PHAX: variants seen among roughly 807,000 people sequenced by gnomAD.
The protein encoded by PHAX is phosphorylated adaptor for RNA export.
Under a neutral mutation model 41.6 loss-of-function variants are expected in PHAX, and 31 were observed. That is an observed-to-expected ratio of 0.75 (90% CI 0.56 to 1.01). PHAX has a LOEUF of 1.01. Ranked by LOEUF, PHAX falls within the 50% of genes least tolerant of loss-of-function variation. PHAX has a pLI of 0.00. For synonymous variants in PHAX, 175 were observed against 164.9 expected (o/e 1.06, Z -0.47); for missense variants, 453 against 472.9 (o/e 0.96, Z 0.39).
chr5:126,607,304 T>A (rs1277233671), intron 2 of PHAX, among the ~76,000 whole-genome samples: 1 of 151,988 alleles, frequency 6.6e-6, no homozygotes, highest in Non-Finnish European at 1.5e-5. Context: ...TAAACCCTGA[T>A]CCTTGTGTTC....
intron 3 of PHAX, among the ~76,000 whole-genome samples, chr5:126,616,817 G>T (rs532820965): frequency 1.3e-5 from 2 of 151,230 alleles, no homozygotes; most frequent in East Asian, 3.9e-4. Context: ...GAGGGCAGAG[G>T]CTGCAGTGAG....
intron 3 of PHAX, among the ~76,000 whole-genome samples, chr5:126,613,206 G>A (rs960643440): frequency 4.6e-5 from 7 of 152,022 alleles, no homozygotes; most frequent in Admixed American, 2.0e-4. Context: ...AAAATTAGCC[G>A]GGTGTGGTGG....
chr5:126,606,553 C>T (rs1751989795), intron 2 of PHAX, among the ~76,000 whole-genome samples: 1 of 152,186 alleles, frequency 6.6e-6, no homozygotes, highest in Non-Finnish European at 1.5e-5. Flanking sequence ...TGTATATATG[C>T]ATATATTCAT....
At chr5:126,601,932 G>C (rs865895397) in intron 1 of PHAX, among the ~76,000 whole-genome samples, 39 of 152,200 alleles carry the variant, frequency 2.6e-4, no homozygotes, top group African/African-American at 8.4e-4. Context: ...CTCCAAAAGT[G>C]CTGAGATTAC....
intron 2 of PHAX, among the ~76,000 whole-genome samples, chr5:126,607,107 A>C (rs1469831603): frequency 1.3e-5 from 2 of 152,216 alleles, no homozygotes; most frequent in African/African-American, 4.8e-5. Flanking sequence ...AAATTTGAAA[A>C]CAGATACGGT....
chr5:126,603,029 C>T lies in PHAX; in HGVS notation c.97-541C>T, dbSNP rs1178453993. Among the ~76,000 whole-genome samples, 3 of 149,956 alleles carry T rather than the reference C, an allele frequency of 2.0e-5. No individual in the cohort carries two copies. In the East Asian group the frequency reaches 5.9e-4, roughly 29 times the overall value. ...TCAAGAAAAAAAAAAAAAATACATG[C>T]CCAGCCTGGGCAACTTGGCAAGACC... On this transcript the variant is annotated intron_variant, in intron 1 of 4. Coordinates refer to ENST00000297540, the MANE Select transcript of PHAX (RefSeq NM_032177.4).
intron 4 of PHAX, among the ~76,000 whole-genome samples, chr5:126,622,350 T>G (rs1285974700): frequency 2.0e-5 from 3 of 151,604 alleles, no homozygotes; most frequent in African/African-American, 7.3e-5. Context: ...GCCAGGATGG[T>G]CTCGATCTCC....
intron 2 of PHAX, among the ~76,000 whole-genome samples, chr5:126,605,595 A>G (rs894540011): frequency 6.6e-6 from 1 of 151,432 alleles, no homozygotes; most frequent in Non-Finnish European, 1.5e-5. Flanking sequence ...ATAGGGTTTC[A>G]TTATGTTGGC....
At chr5:126,609,128 T>C (rs1212893297) in intron 3 of PHAX, among the ~76,000 whole-genome samples, 2 of 126,370 alleles carry the variant, frequency 1.6e-5, no homozygotes, top group Admixed American at 9.1e-5. Context: ...TGAGAAGGAG[T>C]CTCGCTCTGT....
intron 3 of PHAX, among the ~76,000 whole-genome samples, chr5:126,614,203 A>G (rs922751250): frequency 4.6e-5 from 7 of 151,824 alleles, no homozygotes; most frequent in East Asian, 1.9e-4. Context: ...GATTCAAACA[A>G]TTCTCCTGCC....
At chr5:126,612,665 G>A (rs1470866440) in intron 3 of PHAX, among the ~76,000 whole-genome samples, 2 of 151,978 alleles carry the variant, frequency 1.3e-5, no homozygotes, top group Admixed American at 1.3e-4. Context: ...TGCGCCATTG[G>A]ACTCCAGCCT....
chr5:126,618,956 G>A (rs112967806), intron 4 of PHAX, among the ~76,000 whole-genome samples: 17 of 152,056 alleles, frequency 1.1e-4, no homozygotes, highest in African/African-American at 2.6e-4. Flanking sequence ...ACGCCCGGCC[G>A]GAGACAAAGT....
chr5:126,612,514 T>C (rs1324760481), intron 3 of PHAX, among the ~76,000 whole-genome samples: 1 of 152,004 alleles, frequency 6.6e-6, no homozygotes, highest in Non-Finnish European at 1.5e-5. Flanking sequence ...GCCTGACTAA[T>C]GTGGAGAAAC....
rs754959046 is a variant in PHAX, at chr5:126,603,879, A to G, written c.406A>G (p.Ile136Val). 1.5e-5 allele frequency: 24 copies of G among 1,614,006 alleles called. No homozygotes were observed. The East Asian group carries it at 4.2e-4, about 28-fold the overall frequency. ...AGATGCAGTGGCCACTGAACTTGGT[A>G]TCTTGGGAATGGAGGGCACTATTGA... ...NQDAVATELG[I>V]LGMEGTIDRS... Residue 136 changes from isoleucine (I) to valine (V), a missense_variant, in exon 2 of 5, where the codon ATC (isoleucine) becomes GTC (valine). Coordinates refer to ENST00000297540, the MANE Select transcript of PHAX (RefSeq NM_032177.4).
intron 4 of PHAX, among the ~76,000 whole-genome samples, chr5:126,623,963 A>C (rs1752309401): frequency 6.6e-6 from 1 of 151,376 alleles, no homozygotes; most frequent in African/African-American, 2.4e-5. Context: ...TGAAAATCCA[A>C]AATGCTCCAA....
rs777368867 is a variant in PHAX, at chr5:126,617,328, A to T, written c.910A>T (p.Ile304Phe). ...CACTCCTAGTATCAGCGAGGAACAA[A>T]TTAAGGTAATGATAATGTCCTCACC... ...KNTPSISEEQ[I>F]KDIFYIENQK... The change falls in exon 4 of 5, where the codon ATT becomes TTT. Residue 304 changes from isoleucine (I) to phenylalanine (F), a missense_variant. Transcript: ENST00000297540. 6 of 1,591,062 alleles carry T rather than the reference A, an allele frequency of 3.8e-6. No individual in the cohort carries two copies. The highest frequency in any genetic ancestry group is 3.3e-5 in the South Asian group (3 of 90,212).
At chr5:126,615,463 T>C (rs941723670) in intron 3 of PHAX, among the ~76,000 whole-genome samples, 1 of 152,026 alleles carries the variant, frequency 6.6e-6, no homozygotes, top group Non-Finnish European at 1.5e-5. Context: ...TAAACAGGTG[T>C]TCTTTTCAAG....
chr5:126,608,353 T>G lies in PHAX; in HGVS notation c.711-11T>G, dbSNP rs369089876. ...CAAACAAAGAGGATAATTTTACTTG[T>G]TTCTCATCAGGTTACAGGAACCAAA... On this transcript the variant is annotated splice_polypyrimidine_tract_variant and intron_variant, in intron 2 of 4. Transcript: ENST00000297540. 115 of 1,611,146 alleles carry G rather than the reference T, an allele frequency of 7.1e-5. No homozygotes were observed. Among genetic ancestry groups the G allele is most frequent in the Non-Finnish European group, 9.6e-5 (113 of 1,178,758 alleles).
At chr5:126,622,457 T>A (rs1458088409) in intron 4 of PHAX, among the ~76,000 whole-genome samples, 4 of 142,542 alleles carry the variant, frequency 2.8e-5, no homozygotes, top group Non-Finnish European at 6.1e-5. Context: ...TTTTTTTTTT[T>A]TTTTTTTTTT....
Sources: allele counts gnomAD v4.1 joint callset (sites outside exome capture counted in the v4.1 genomes callset), GRCh38; gene constraint gnomAD v4.1.1; transcripts MANE v1.5; gene names NCBI Gene and HGNC (gene_info 2026-07-23, HGNC 2026-07-21).